The following BSDC1 variants were observed in gnomAD, a reference collection of about 807,000 sequenced individuals.
The protein encoded by BSDC1 is BSD domain-containing protein 1.
A neutral mutation model predicts 56.0 loss-of-function variants in BSDC1; 29 were observed. That is an observed-to-expected ratio of 0.52 (90% CI 0.39 to 0.71). The LOEUF (loss-of-function observed/expected upper bound fraction) is 0.71. Ranked by LOEUF, BSDC1 falls within the 30% of genes least tolerant of loss-of-function variation. BSDC1 has a pLI of 0.00. For missense variants in BSDC1, 477 were observed against 548.5 expected (o/e 0.87, Z 1.30); for synonymous variants, 210 against 215.3 (o/e 0.98, Z 0.21).
rs1406361004 is a variant in BSDC1, at chr1:32,369,212, A to G, written c.1157-662T>C. ...GAGAAGAACTTCACATCCATGCCAA[A>G]CAGCCTTAAACTATTACCTCGGAAA... On this transcript the variant is annotated intron_variant, in intron 9 of 10. Coordinates refer to ENST00000455895, the MANE Select transcript of BSDC1 (RefSeq NM_018045.8). 4.8e-6 allele frequency: 6 copies of G among 1,257,912 alleles called. No individual in the cohort carries two copies. In the Admixed American group the frequency reaches 1.4e-4, roughly 29 times the overall value. The allele number at this position is 1,257,912 out of a possible 1,614,324, so 77.9% of individuals were successfully genotyped here.
chr1:32,368,525 G>T lies in BSDC1; in HGVS notation c.1182C>A (p.Asp394Glu). 6.2e-7 allele frequency: 1 copy of T among 1,614,122 alleles called. No homozygotes were observed. The highest frequency in any genetic ancestry group is 1.1e-5 in the South Asian group (1 of 91,068). ...KKGSSTDISE[D>E]WEKDFDLDMT... is the part of the protein sequence containing the mutation. ...TGTCCAAGTCAAAGTCTTTCTCCCA[G>T]TCCTCACTGATGTCCGTGCTTGAGC... Residue 394 changes from aspartate to glutamate, a missense_variant, in exon 10 of 11, where the codon GAC becomes GAA. By Grantham distance (45) the Asp-to-Glu change is conservative. Coordinates refer to ENST00000455895, the MANE Select transcript of BSDC1 (RefSeq NM_018045.8).
intron 5 of BSDC1, 99 bp downstream of exon 5, chr1:32,381,115 G>T: frequency 8.7e-7 from 1 of 1,144,066 alleles, no homozygotes. Context: ...CTACATAGGG[G>T]GTGCCCGGCC....
intron 4 of BSDC1, among the ~76,000 whole-genome samples, 187 bp from the exon 5 acceptor site, chr1:32,381,455 TG>T (rs1642475680): frequency 6.6e-6 from 1 of 152,236 alleles, no homozygotes; most frequent in Admixed American, 6.5e-5. Context: ...CATCCAAAAC[TG>T]GGGTTCCCAG....
chr1:32,392,901 T>C (rs936975727), intron 2 of BSDC1, among the ~76,000 whole-genome samples: 1 of 152,122 alleles, frequency 6.6e-6, no homozygotes, highest in Non-Finnish European at 1.5e-5. Context: ...CTGTCTCTAC[T>C]AAAAATACAA....
chr1:32,366,447 C>G lies in BSDC1; in HGVS notation c.*175G>C, dbSNP rs1413502746. ...CTGGCCGGGATTTAGAGAGCCCCTT[C>G]CCAGGTGTGAGCAGAGGCCCAAGAG... is the stretch of plus-strand genomic sequence containing the variant. On this transcript the variant is annotated 3_prime_UTR_variant, in exon 11 of 11. Transcript: ENST00000455895. 5.5e-6 allele frequency: 4 copies of G among 730,458 alleles called. No homozygotes were observed. The highest frequency in any genetic ancestry group is 2.0e-5 in the Admixed American group (1 of 49,964). The allele number at this position is 730,458 out of a possible 1,614,324, so 45.2% of individuals were successfully genotyped here. A position where few individuals can be genotyped will look rare whatever the true frequency, so the allele number is the denominator to read the frequency against.
chr1:32,366,340 C>A lies in BSDC1; in HGVS notation c.*282G>T. 1 of 635,624 alleles carries A rather than the reference C, an allele frequency of 1.6e-6. No individual in the cohort carries two copies. Among genetic ancestry groups the A allele is most frequent in the Non-Finnish European group, 2.9e-6 (1 of 346,692 alleles). 39.4% of individuals were successfully genotyped at this position (635,624 alleles called of 1,614,324 possible). On this transcript the variant is annotated 3_prime_UTR_variant, in exon 11 of 11. Transcript: ENST00000455895. ...GTCCTCAGGAACAGTGGGTGTTCAG[C>A]AGAAAAACACAGGCTCTTCTGGTGA...
chr1:32,366,711 C>G, intron 10 of BSDC1, 57 bp from the exon 11 acceptor site: 1 of 1,449,828 alleles, frequency 6.9e-7, no homozygotes, highest in Non-Finnish European at 9.1e-7. Flanking sequence ...CTGAGTCAGG[C>G]CCAGACCTAA....
chr1:32,378,963 C>T lies in BSDC1; in HGVS notation c.413-124G>A, dbSNP rs1369154754. The T allele has an allele frequency of 1.6e-6, 1 of 622,590 alleles. No homozygotes were observed. The highest frequency in any genetic ancestry group is 3.5e-5 in the East Asian group (1 of 28,450). The allele number at this position is 622,590 out of a possible 1,614,324, so 38.6% of individuals were successfully genotyped here. A position where few individuals can be genotyped will look rare whatever the true frequency, so the allele number is the denominator to read the frequency against. On this transcript the variant is annotated intron_variant, in intron 5 of 10. Coordinates refer to ENST00000455895, the MANE Select transcript of BSDC1 (RefSeq NM_018045.8). The surrounding 1 kb of genome is among the most constrained non-coding windows in gnomAD (Gnocchi z 5.2). ...AGCTTGTGTATTCAAAGCCACTTAG[C>T]CAAGGGTAGGGGGTCAGGCAGGGTG...
intron 5 of BSDC1, among the ~76,000 whole-genome samples, chr1:32,379,892 C>T (rs140946524): frequency 1.3e-4 from 20 of 152,312 alleles, no homozygotes; most frequent in African/African-American, 4.8e-4. Flanking sequence ...CTATTTCATT[C>T]TTCACAATGC....
chr1:32,366,438 G>C lies in BSDC1; in HGVS notation c.*184C>G, dbSNP rs868121804. On this transcript the variant is annotated 3_prime_UTR_variant, in exon 11 of 11. Transcript: ENST00000455895. ...TCAGAGTTTCTGGCCGGGATTTAGA[G>C]AGCCCCTTCCCAGGTGTGAGCAGAG... 2 of 720,416 alleles carry C rather than the reference G, an allele frequency of 2.8e-6. No homozygotes were observed. Among genetic ancestry groups the C allele is most frequent in the South Asian group, 1.5e-5 (1 of 67,050 alleles). The allele number at this position is 720,416 out of a possible 1,614,324, so 44.6% of individuals were successfully genotyped here.
intron 2 of BSDC1, among the ~76,000 whole-genome samples, chr1:32,390,113 G>A (rs1309704680): frequency 6.6e-6 from 1 of 152,180 alleles, no homozygotes; most frequent in Non-Finnish European, 1.5e-5. Context: ...GTTGCCAAGG[G>A]CAACCAGGGA....
chr1:32,384,060 G>A (rs370093142), intron 3 of BSDC1, 63 bp from the exon 4 acceptor site: 5 of 1,609,406 alleles, frequency 3.1e-6, no homozygotes, highest in Non-Finnish European at 4.2e-6. Context: ...TGGGGTATGG[G>A]GGTAAAACAT....
At chr1:32,384,801 T>C (rs1298864144) in intron 3 of BSDC1, among the ~76,000 whole-genome samples, 1 of 151,652 alleles carries the variant, frequency 6.6e-6, no homozygotes, top group Non-Finnish European at 1.5e-5. Context: ...ATTTTAAACC[T>C]AGAACCTATC....
rs756140270 is a variant in BSDC1 at position 32,376,542 on chromosome 1, C to T, written c.876G>A (p.Pro292=). The part of the protein sequence containing the change: ...SISLVTQIAN[P]ATAPEARVLP... ...GCACTCGTGCCTCAGGTGCAGTGGC[C>T]GGGTTGGCGATCTGTGTCACGAGGG... The change falls in exon 9 of 11, where the codon CCG becomes CCA. Residue 292 remains proline, a synonymous_variant. Transcript: ENST00000455895. 5.8e-6 allele frequency: 9 copies of T among 1,559,706 alleles called. 1 individual carries two copies. The South Asian group carries it at 5.9e-5, about 10-fold the overall frequency.
intron 10 of BSDC1, 121 bp downstream of exon 10, chr1:32,368,326 C>T (rs1029128253): frequency 6.2e-7 from 1 of 1,612,016 alleles, no homozygotes; most frequent in South Asian, 1.1e-5. Flanking sequence ...TCCTTTCCCA[C>T]CACCTGTCAC....
intron 1 of BSDC1, 80 bp from the exon 2 acceptor site, chr1:32,394,220 T>G: frequency 1.3e-6 from 2 of 1,570,560 alleles, no homozygotes; most frequent in Admixed American, 3.7e-5. Context: ...CCCGCTCAGA[T>G]GTACCCTGCG....
At chr1:32,370,348 T>C (rs1230297966) in intron 9 of BSDC1, among the ~76,000 whole-genome samples, 5 of 152,184 alleles carry the variant, frequency 3.3e-5, no homozygotes, top group Admixed American at 3.3e-4. Flanking sequence ...AATATGTTTA[T>C]TGTATATTAA....
intron 2 of BSDC1, among the ~76,000 whole-genome samples, chr1:32,389,789 C>A (rs1642802547): frequency 1.4e-5 from 2 of 147,234 alleles, no homozygotes; most frequent in Non-Finnish European, 3.0e-5. Context: ...CGTCTCCACA[C>A]ACACACACAC....
At chr1:32,385,709 A>T (rs566508156) in intron 3 of BSDC1, among the ~76,000 whole-genome samples, 1 of 152,312 alleles carries the variant, frequency 6.6e-6, no homozygotes, top group South Asian at 2.1e-4. Flanking sequence ...CCTGGGCAAG[A>T]GAGAGAGACC....
Sources: allele counts gnomAD v4.1 joint callset (sites outside exome capture counted in the v4.1 genomes callset), GRCh38; gene constraint gnomAD v4.1.1; non-coding constraint Gnocchi (gnomAD v3.1); transcripts MANE v1.5; gene names NCBI Gene and HGNC (gene_info 2026-07-23, HGNC 2026-07-21).